The following PTPRD variants were observed in gnomAD, a reference collection of about 807,000 sequenced individuals.
PTPRD encodes the protein protein tyrosine phosphatase receptor type D.
A neutral mutation model predicts 214.5 loss-of-function variants in PTPRD; 34 were observed. The observed-to-expected ratio is 0.16, with a 90% confidence interval of 0.12 to 0.21. The LOEUF is 0.21. Among genes scored for constraint, PTPRD ranks in the 10% least tolerant of loss-of-function variants. The probability of loss-of-function intolerance (pLI) is 1.00; values close to 1 mark genes in which losing one functional copy is unlikely to be tolerated. For missense variants in PTPRD, 2,545 were observed against 2,398.7 expected (o/e 1.06, Z -1.27); for synonymous variants, 1,128 against 845.7 (o/e 1.33, Z -5.79).
intron 5 of PTPRD, among the ~76,000 whole-genome samples, chr9:9,831,666 A>C (rs1049382360): frequency 6.6e-6 from 1 of 151,992 alleles, no homozygotes; most frequent in African/African-American, 2.4e-5. Flanking sequence ...ATTCCAGCAT[A>C]ACCTGAAGAG....
intron 12 of PTPRD, among the ~76,000 whole-genome samples, chr9:8,645,750 AT>A (rs1209843608): frequency 6.6e-6 from 1 of 152,078 alleles, no homozygotes; most frequent in African/African-American, 2.4e-5. Flanking sequence ...TTAGGTTATT[AT>A]TTCTAACTGC....
At chr9:10,114,864 T>G (rs1477510493) in intron 3 of PTPRD, among the ~76,000 whole-genome samples, 1 of 151,996 alleles carries the variant, frequency 6.6e-6, no homozygotes, top group Non-Finnish European at 1.5e-5. Context: ...AAGTTCTACT[T>G]TAGAATATCA....
intron 2 of PTPRD, among the ~76,000 whole-genome samples, chr9:10,391,758 C>G (rs923527836): frequency 9.9e-5 from 15 of 151,746 alleles, no homozygotes; most frequent in African/African-American, 2.7e-4. Flanking sequence ...ATATTTTACT[C>G]TCCTGTGCAC....
intron 10 of PTPRD, among the ~76,000 whole-genome samples, chr9:9,022,021 C>A (rs1463719669): frequency 2.6e-5 from 4 of 151,946 alleles, no homozygotes; most frequent in African/African-American, 4.8e-5. Context: ...ATAGCTAATG[C>A]ATGCGGGGCT....
intron 10 of PTPRD, among the ~76,000 whole-genome samples, chr9:9,113,576 G>T (rs79925873): frequency 6.6e-6 from 1 of 152,086 alleles, no homozygotes; most frequent in South Asian, 2.1e-4. Context: ...TTTTGAAGTG[G>T]TGACATCTAG....
intron 5 of PTPRD, among the ~76,000 whole-genome samples, chr9:9,898,595 T>C (rs1485151289): frequency 1.3e-5 from 2 of 152,116 alleles, no homozygotes; most frequent in Non-Finnish European, 2.9e-5. Flanking sequence ...GAGACAGAAG[T>C]CACAAAAAGA....
At chr9:8,992,741 A>C (rs1264193486) in intron 11 of PTPRD, among the ~76,000 whole-genome samples, 1 of 151,886 alleles carries the variant, frequency 6.6e-6, no homozygotes, top group African/African-American at 2.4e-5. Flanking sequence ...CCTTTGCTTA[A>C]ATATTTATCA....
chr9:8,816,728 T>A (rs2096927389), intron 11 of PTPRD, among the ~76,000 whole-genome samples: 1 of 152,202 alleles, frequency 6.6e-6, no homozygotes, highest in Non-Finnish European at 1.5e-5. Context: ...TCTTTCCATA[T>A]CAACATGTTA....
intron 12 of PTPRD, among the ~76,000 whole-genome samples, chr9:8,638,668 G>T (rs978522974): frequency 1.3e-5 from 2 of 152,004 alleles, no homozygotes; most frequent in African/African-American, 2.4e-5. Context: ...AATTCAACTT[G>T]TTGGTGATCC....
intron 3 of PTPRD, among the ~76,000 whole-genome samples, chr9:10,294,558 T>C (rs1209578680): frequency 2.0e-5 from 3 of 151,952 alleles, no homozygotes; most frequent in Admixed American, 1.3e-4. Flanking sequence ...GATGTATCCA[T>C]TTGTTTTGAT....
chr9:8,342,016 T>TATCA lies in PTPRD; in HGVS notation c.4662-42_4662-39dup. 3 of 1,537,240 alleles carry TATCA rather than the reference T, an allele frequency of 2.0e-6. 1 individual carries two copies. The highest frequency in any genetic ancestry group is 2.5e-5 in the South Asian group (2 of 78,706). On this transcript the variant is annotated intron_variant, in intron 39 of 45. Coordinates refer to ENST00000381196, the MANE Select transcript of PTPRD (RefSeq NM_002839.4). The stretch of plus-strand genomic sequence containing the variant: ...TAGAGAAGAAAAGCCCAAATAAACC[T>TATCA]ATCAGAAAATCAATACATAATAAAA...
intron 5 of PTPRD, among the ~76,000 whole-genome samples, chr9:9,885,674 G>A (rs2070602041): frequency 6.6e-6 from 1 of 151,918 alleles, no homozygotes; most frequent in Non-Finnish European, 1.5e-5. Flanking sequence ...CATGCTATGG[G>A]GCCACAAGTC....
intron 6 of PTPRD, among the ~76,000 whole-genome samples, chr9:9,739,820 C>G (rs1564890685): frequency 6.6e-6 from 1 of 150,442 alleles, no homozygotes; most frequent in East Asian, 1.9e-4. Flanking sequence ...TTTTTCTCTA[C>G]ATATATATAT....
chr9:9,121,797 A>G (rs781237477), intron 10 of PTPRD, among the ~76,000 whole-genome samples: 1 of 152,104 alleles, frequency 6.6e-6, no homozygotes, highest in African/African-American at 2.4e-5. Context: ...ACCAAATACC[A>G]CCTGTATCCC....
chr9:9,080,922 T>C (rs927914731), intron 10 of PTPRD, among the ~76,000 whole-genome samples: 4 of 152,060 alleles, frequency 2.6e-5, no homozygotes, highest in African/African-American at 9.7e-5. Context: ...CGGTCTATTT[T>C]GTTAATCTTT....
rs185678355 is a variant in PTPRD at position 10,025,036 on chromosome 9, G to A, written c.-472+8682C>T. Among the ~76,000 whole-genome samples, 1,381 of 151,814 alleles carry A rather than the reference G, an allele frequency of 9.1e-3. 8 individuals are homozygous for A. Among genetic ancestry groups the A allele is most frequent in the Non-Finnish European group, 0.015 (1,000 of 67,938 alleles). On this transcript the variant is annotated intron_variant, in intron 4 of 45. Coordinates refer to ENST00000381196, the MANE Select transcript of PTPRD (RefSeq NM_002839.4). ...TTCTTAATCCAGTCTATCATTGTTG[G>A]ACATTTGGGTTGGTTCCAAGTCTTT... is the stretch of plus-strand genomic sequence containing the variant.
chr9:9,092,954 T>C (rs149533257), intron 10 of PTPRD, among the ~76,000 whole-genome samples: 2 of 151,998 alleles, frequency 1.3e-5, no homozygotes, highest in African/African-American at 2.4e-5. Flanking sequence ...CTGCTGTAAA[T>C]ACATGGACAT....
chr9:8,772,136 A>G (rs953605091), intron 11 of PTPRD, among the ~76,000 whole-genome samples: 1 of 151,674 alleles, frequency 6.6e-6, no homozygotes, highest in East Asian at 1.9e-4. Flanking sequence ...CTTCCTGAAA[A>G]AACAACAACA....
chr9:8,465,719 A>T (rs2096532168), intron 31 of PTPRD, 44 bp from the exon 32 acceptor site: 1 of 1,502,524 alleles, frequency 6.7e-7, no homozygotes, highest in Admixed American at 2.0e-5. Flanking sequence ...TGTAAATAAT[A>T]ACCCAGCTTA....
Sources: gnomAD v4.1 joint callset for allele counts (sites outside exome capture counted in the v4.1 genomes callset) on GRCh38, gnomAD v4.1.1 for gene constraint, MANE v1.5 for transcripts, NCBI Gene and HGNC (gene_info 2026-07-23, HGNC 2026-07-21) for gene names.